Variants in HSD17B4 observed in about 807,000 individuals in gnomAD.
HSD17B4 encodes peroxisomal multifunctional enzyme type 2.
A neutral mutation model predicts 101.0 loss-of-function variants in HSD17B4; 70 were observed. The observed-to-expected ratio is 0.69, with a 90% CI of 0.57 to 0.85. The LOEUF is 0.85. HSD17B4 is among the 40% of genes least tolerant of loss of function. The pLI is 0.00. For missense variants in HSD17B4, 984 were observed against 892.4 expected (o/e 1.10, Z -1.31); for synonymous variants, 347 against 297.1 (o/e 1.17, Z -1.73).
chr5:119,537,615 A>G (rs1366356616), intron 23 of HSD17B4, among the ~76,000 whole-genome samples: 1 of 152,188 alleles, frequency 6.6e-6, no homozygotes, highest in Non-Finnish European at 1.5e-5. Context: ...GAGAAGAGTA[A>G]GCCTGAGTAT....
intron 13 of HSD17B4, 51 bp from the exon 14 acceptor site, chr5:119,501,990 A>G (rs970459426): frequency 1.8e-6 from 2 of 1,101,188 alleles, no homozygotes; most frequent in Admixed American, 3.4e-5. Flanking sequence ...CATAGGCAGA[A>G]CCTGTGGAGC....
intron 2 of HSD17B4, among the ~76,000 whole-genome samples, chr5:119,469,789 G>A (rs1473005621): frequency 1.3e-5 from 2 of 151,838 alleles, no homozygotes; most frequent in African/African-American, 2.4e-5. Context: ...TAGGTGTTTG[G>A]TTTAGCTTCT....
At chr5:119,511,794 G>C (rs1752196632) in intron 16 of HSD17B4, among the ~76,000 whole-genome samples, 1 of 152,232 alleles carries the variant, frequency 6.6e-6, no homozygotes, top group African/African-American at 2.4e-5. Flanking sequence ...TGGGGGATTA[G>C]TGTCTAGAGT....
rs73790880 is a variant in HSD17B4 at position 119,526,013 on chromosome 5, A to C, written c.1670A>C (p.Lys557Thr). 5.7e-6 allele frequency: 9 copies of C among 1,566,628 alleles called. No homozygotes were observed. The Admixed American group carries it at 6.7e-5, about 12-fold the overall frequency. Residue 557 changes from lysine (K) to threonine (T), a missense_variant, in exon 19 of 24, where the codon AAG becomes ACG. Physicochemically the swap from Lys to Thr is moderately conservative, Grantham distance 78 (BLOSUM62 -1). Transcript: ENST00000510025. ...QFADNDVSRF[K>T]AIKARFAKPV... ...GCAGATAATGATGTGTCAAGATTCA[A>C]GGCAATTAAGGTAAATGTGTATTAC...
intron 17 of HSD17B4, among the ~76,000 whole-genome samples, chr5:119,518,218 G>C (rs556162871): frequency 6.6e-6 from 1 of 152,134 alleles, no homozygotes; most frequent in African/African-American, 2.4e-5. Flanking sequence ...GAGACCATGA[G>C]CCCACCGGGA....
chr5:119,526,583 G>C (rs911519800), intron 19 of HSD17B4, among the ~76,000 whole-genome samples: 20 of 151,852 alleles, frequency 1.3e-4, no homozygotes, highest in African/African-American at 2.2e-4. Flanking sequence ...AGCTCCAAAA[G>C]CTTTTAATTT....
At chr5:119,522,014 G>A (rs1235753700) in intron 17 of HSD17B4, among the ~76,000 whole-genome samples, 1 of 151,498 alleles carries the variant, frequency 6.6e-6, no homozygotes, top group Non-Finnish European at 1.5e-5. Flanking sequence ...GTATACATGT[G>A]CCATGTTGGT....
At chr5:119,518,453 C>A (rs1409956596) in intron 17 of HSD17B4, among the ~76,000 whole-genome samples, 1 of 152,138 alleles carries the variant, frequency 6.6e-6, no homozygotes, top group African/African-American at 2.4e-5. Flanking sequence ...CCACCAATTC[C>A]GGACACAGAA....
chr5:119,528,561 A>G (rs938422648), intron 20 of HSD17B4, among the ~76,000 whole-genome samples: 2 of 152,096 alleles, frequency 1.3e-5, no homozygotes, highest in African/African-American at 4.8e-5. Context: ...TCTGTGCCAC[A>G]TATTTTGGAG....
At chr5:119,533,073 A>G (rs1055722261) in intron 22 of HSD17B4, among the ~76,000 whole-genome samples, 1 of 152,142 alleles carries the variant, frequency 6.6e-6, no homozygotes, top group Admixed American at 6.6e-5. Flanking sequence ...CCAAATTCCA[A>G]AACACATCAG....
chr5:119,477,370 G>T, intron 6 of HSD17B4, 47 bp from the exon 7 acceptor site: 4 of 1,267,886 alleles, frequency 3.2e-6, no homozygotes, highest in Non-Finnish European at 4.5e-6. Flanking sequence ...TCTTAGACAT[G>T]CCTAAGTTTT....
At chr5:119,452,815 C>A in intron 1 of HSD17B4, 182 bp downstream of exon 1, 1 of 1,536,818 alleles carries the variant, frequency 6.5e-7, no homozygotes, top group East Asian at 2.4e-5. Context: ...CCTGGTCTCT[C>A]AAGCAGGTAC....
chr5:119,525,708 G>GTTTTTTTTTT, intron 18 of HSD17B4: 1 of 564,876 alleles, frequency 1.8e-6, no homozygotes, highest in Non-Finnish European at 3.1e-6. Context: ...TTCTTTTCCT[G>GTTTTTTTTTT]TTTTGTTTTT....
Position 119,509,154 on chromosome 5 carries a change from T to C in HSD17B4, c.1347T>C (p.Ser449=), listed in dbSNP as rs1374866979. ...VVIIMDVYSY[S]EKELICHNQF... ...TTTACTTTTCAGTCTATTCTTATTC[T>C]GAGAAGGAACTTATATGCCACAATC... Residue 449 remains serine (S), a synonymous_variant, in exon 16 of 24, where the codon TCT becomes TCC. Coordinates refer to ENST00000510025, the MANE Select transcript of HSD17B4 (RefSeq NM_000414.4). The C allele has an allele frequency of 3.4e-5, 54 of 1,579,840 alleles. No individual in the cohort carries two copies. The highest frequency in any genetic ancestry group is 4.6e-5 in the Non-Finnish European group (53 of 1,149,138).
intron 1 of HSD17B4, among the ~76,000 whole-genome samples, chr5:119,453,375 A>G (rs1580484095): frequency 1.3e-5 from 2 of 152,212 alleles, no homozygotes; most frequent in East Asian, 3.8e-4. Flanking sequence ...GTATTTCAGG[A>G]GCGGCAAAAT....
chr5:119,477,761 T>C (rs1228299915), intron 7 of HSD17B4: 1 of 437,530 alleles, frequency 2.3e-6, no homozygotes, highest in Non-Finnish European at 4.2e-6. Flanking sequence ...CTGGCAATTT[T>C]TATTTTATTT....
At chr5:119,473,480 A>G (rs1347641700) in intron 2 of HSD17B4, among the ~76,000 whole-genome samples, 1 of 151,398 alleles carries the variant, frequency 6.6e-6, no homozygotes, top group Non-Finnish European at 1.5e-5. Context: ...CATAATGCCC[A>G]GCTAATTATT....
chr5:119,502,465 A>C (rs1751259913), intron 14 of HSD17B4, among the ~76,000 whole-genome samples: 1 of 152,106 alleles, frequency 6.6e-6, no homozygotes, highest in African/African-American at 2.4e-5. Flanking sequence ...TAAAGCAAAC[A>C]ATGTTAAAAG....
intron 10 of HSD17B4, 120 bp from the exon 11 acceptor site, chr5:119,493,698 G>A: frequency 1.1e-6 from 1 of 876,816 alleles, no homozygotes; most frequent in East Asian, 2.7e-5. Context: ...AACTCTTTAG[G>A]AGTTAGAATC....
Sources: gnomAD v4.1 joint callset for allele counts (sites outside exome capture counted in the v4.1 genomes callset) on GRCh38, gnomAD v4.1.1 for gene constraint, MANE v1.5 for transcripts, NCBI Gene and HGNC (gene_info 2026-07-23, HGNC 2026-07-21) for gene names.